ATP8A2: variants seen among roughly 807,000 people sequenced by gnomAD.
ATP8A2 encodes phospholipid-transporting ATPase IB.
In ATP8A2, 100 loss-of-function variants were observed where a neutral mutation model predicts 165.6. That is an observed-to-expected ratio of 0.60 (90% CI 0.51 to 0.71). The LOEUF (loss-of-function observed/expected upper bound fraction) is 0.71, where lower values mean the gene tolerates loss of function less well. Ranked by LOEUF, ATP8A2 falls within the 30% of genes least tolerant of loss-of-function variation. The pLI, the probability that ATP8A2 is intolerant of heterozygous loss-of-function variation, is 0.00. For missense variants in ATP8A2, 1,227 were observed against 1,479.5 expected (o/e 0.83, Z 2.80); for synonymous variants, 543 against 548.8 (o/e 0.99, Z 0.15).
intron 25 of ATP8A2, among the ~76,000 whole-genome samples, chr13:25,752,722 G>C (rs1184192331): frequency 6.6e-6 from 1 of 152,176 alleles, no homozygotes; most frequent in African/African-American, 2.4e-5. Context: ...GCCAGTGCTT[G>C]TTTGCCCACA....
At chr13:25,651,687 G>A (rs1040180673) in intron 24 of ATP8A2, among the ~76,000 whole-genome samples, 1 of 151,938 alleles carries the variant, frequency 6.6e-6, no homozygotes, top group Non-Finnish European at 1.5e-5. Flanking sequence ...ACAACCTTTT[G>A]GCTTTGTCCA....
intron 24 of ATP8A2, among the ~76,000 whole-genome samples, chr13:25,646,491 T>C (rs571538594): frequency 3.5e-4 from 53 of 151,816 alleles, no homozygotes; most frequent in African/African-American, 1.2e-3. Flanking sequence ...CCATCTCTAC[T>C]AAAAATACAA....
At chr13:25,536,181 G>A (rs1255748029) in intron 6 of ATP8A2, among the ~76,000 whole-genome samples, 1 of 152,062 alleles carries the variant, frequency 6.6e-6, no homozygotes, top group Non-Finnish European at 1.5e-5. Context: ...GTGCCGTCTT[G>A]GCTCACTGCA....
chr13:25,531,263 A>ATATATATGTTATATATGATATATATATGT lies in ATP8A2; in HGVS notation c.420+611_420+612insTTATATATGATATATATATGTTATATATG, dbSNP rs1555291099. 2.7e-3 allele frequency among the ~76,000 whole-genome samples: 230 copies of ATATATATGTTATATATGATATATATATGT among 85,504 alleles called. 9 individuals are homozygous for ATATATATGTTATATATGATATATATATGT. The highest frequency in any genetic ancestry group is 0.01 in the African/African-American group (217 of 20,842). 56.1% of individuals were successfully genotyped at this position (85,504 alleles called of 152,430 possible). A position where few individuals can be genotyped will look rare whatever the true frequency, so the allele number is the denominator to read the frequency against. On this transcript the variant is annotated intron_variant, in intron 4 of 36. Coordinates refer to ENST00000381655, the MANE Select transcript of ATP8A2 (RefSeq NM_016529.6). ...ATATATGTTATATATGATATATATG[A>ATATATATGTTATATATGATATATATATGT]TATATATGATATATATGTTATATAT...
At chr13:25,718,834 G>A (rs1190843174) in intron 25 of ATP8A2, among the ~76,000 whole-genome samples, 7 of 152,204 alleles carry the variant, frequency 4.6e-5, no homozygotes, top group Non-Finnish European at 2.9e-5. Context: ...ACTTAGAGGC[G>A]TTTCTTCTGT....
chr13:25,960,191 C>T (rs367545890), intron 33 of ATP8A2, among the ~76,000 whole-genome samples: 12 of 152,264 alleles, frequency 7.9e-5, no homozygotes, highest in African/African-American at 2.9e-4. Context: ...TGAGTATAGA[C>T]GCTGGGCAGG....
intron 1 of ATP8A2, among the ~76,000 whole-genome samples, chr13:25,405,590 T>C (rs970309551): frequency 1.3e-5 from 2 of 152,154 alleles, no homozygotes; most frequent in Non-Finnish European, 2.9e-5. Flanking sequence ...ACCGGCTCCC[T>C]GGGCAGCCAG....
chr13:25,881,230 A>G (rs1252128651), intron 33 of ATP8A2, among the ~76,000 whole-genome samples: 3 of 151,858 alleles, frequency 2.0e-5, no homozygotes, highest in Non-Finnish European at 2.9e-5. Flanking sequence ...AAGCTATACA[A>G]TGTGTTAATA....
intron 1 of ATP8A2, among the ~76,000 whole-genome samples, chr13:25,406,553 C>A (rs1204883019): frequency 2.6e-5 from 4 of 152,100 alleles, no homozygotes; most frequent in Non-Finnish European, 5.9e-5. Flanking sequence ...CAGTGAGAGC[C>A]CAACAGAGGG....
chr13:25,990,393 G>A (rs1956366724), intron 35 of ATP8A2, among the ~76,000 whole-genome samples: 1 of 152,094 alleles, frequency 6.6e-6, no homozygotes, highest in Non-Finnish European at 1.5e-5. Flanking sequence ...TGTGGGTGCA[G>A]ACAGTGATGA....
chr13:25,574,918 G>C, intron 19 of ATP8A2, 61 bp downstream of exon 19: 3 of 950,974 alleles, frequency 3.2e-6, no homozygotes, highest in East Asian at 2.5e-5. Flanking sequence ...AGCTTCATCA[G>C]AGTGTTTACA....
At chr13:25,877,391 T>G (rs1033389240) in intron 33 of ATP8A2, among the ~76,000 whole-genome samples, 2 of 152,230 alleles carry the variant, frequency 1.3e-5, no homozygotes, top group African/African-American at 4.8e-5. Flanking sequence ...CTTCCAACAC[T>G]TAAAGCTCCA....
chr13:25,835,971 G>A (rs1040399917), intron 28 of ATP8A2, among the ~76,000 whole-genome samples: 12 of 152,130 alleles, frequency 7.9e-5, no homozygotes, highest in South Asian at 2.1e-4. Context: ...TGAGTGCTCC[G>A]ATGAGCTGAG....
At chr13:25,815,827 A>G (rs1038719625) in intron 27 of ATP8A2, among the ~76,000 whole-genome samples, 4 of 152,232 alleles carry the variant, frequency 2.6e-5, no homozygotes, top group African/African-American at 7.2e-5. Flanking sequence ...AGTATGCTAT[A>G]TACATACAAT....
chr13:25,737,567 A>G (rs2043800319), intron 25 of ATP8A2, among the ~76,000 whole-genome samples: 1 of 151,800 alleles, frequency 6.6e-6, no homozygotes, highest in Admixed American at 6.6e-5. Context: ...TGGCACGATC[A>G]TGGCTCACTG....
At chr13:25,939,066 C>T (rs986131145) in intron 33 of ATP8A2, among the ~76,000 whole-genome samples, 1 of 152,188 alleles carries the variant, frequency 6.6e-6, no homozygotes, top group Non-Finnish European at 1.5e-5. Flanking sequence ...TGGTCTTGAA[C>T]TCCTGACCTC....
intron 1 of ATP8A2, among the ~76,000 whole-genome samples, chr13:25,393,656 T>C (rs1034949307): frequency 2.6e-5 from 4 of 152,204 alleles, no homozygotes; most frequent in Non-Finnish European, 5.9e-5. Flanking sequence ...CCTCAGGTGA[T>C]CTGCCTGCCT....
chr13:25,480,828 G>C (rs1449515055), intron 2 of ATP8A2, among the ~76,000 whole-genome samples: 1 of 150,078 alleles, frequency 6.7e-6, no homozygotes, highest in Admixed American at 6.6e-5. Flanking sequence ...AGGTTGTAGC[G>C]AGCCGAGATC....
At chr13:25,740,143 A>G (rs891056525) in intron 25 of ATP8A2, among the ~76,000 whole-genome samples, 7 of 152,026 alleles carry the variant, frequency 4.6e-5, no homozygotes, top group Non-Finnish European at 8.8e-5. Flanking sequence ...CCCCATCTCT[A>G]TTCCAAATAC....
Sources: allele counts gnomAD v4.1 joint callset (sites outside exome capture counted in the v4.1 genomes callset), GRCh38; gene constraint gnomAD v4.1.1; transcripts MANE v1.5; gene names NCBI Gene and HGNC (gene_info 2026-07-23, HGNC 2026-07-21).